The following HYDIN variants were observed in gnomAD, a reference collection of about 807,000 sequenced individuals.
HYDIN encodes the protein HYDIN axonemal central pair apparatus protein.
Under a neutral mutation model 403.9 loss-of-function variants are expected in HYDIN, and 132 were observed. The observed-to-expected ratio is 0.33, with a 90% CI of 0.28 to 0.38. The LOEUF (loss-of-function observed/expected upper bound fraction) is 0.38, where lower values mean the gene tolerates loss of function less well. Among genes scored for constraint, HYDIN ranks in the 10% least tolerant of loss-of-function variants. The pLI is 1.00. For missense variants in HYDIN, 2,827 were observed against 5,009.5 expected (o/e 0.56, Z 13.15); for synonymous variants, 1,202 against 1,891.7 (o/e 0.64, Z 9.46).
intron 1 of HYDIN, among the ~76,000 whole-genome samples, chr16:71,227,535 G>C (rs1213683475): frequency 6.6e-6 from 1 of 152,052 alleles, no homozygotes; most frequent in Non-Finnish European, 1.5e-5. Context: ...CAAACAGAGA[G>C]CCAAATCATG....
Position 71,110,301 on chromosome 16 carries a change from TAATAA to T in HYDIN, c.1327+5390_1327+5394del, listed in dbSNP as rs1568167804. 5.2e-3 allele frequency among the ~76,000 whole-genome samples: 755 copies of T among 143,910 alleles called. 4 individuals are homozygous for T. The highest frequency in any genetic ancestry group is 0.018 in the African/African-American group (724 of 39,284). 94.4% of individuals were successfully genotyped at this position (143,910 alleles called of 152,430 possible). ...TAATATATAATAGATATAATAAATA[TAATAA>T]ATATATAAAAATTTATATCTAAATA... is the stretch of plus-strand genomic sequence containing the variant. On this transcript the variant is annotated intron_variant, in intron 10 of 85. Coordinates refer to ENST00000393567, the MANE Select transcript of HYDIN (RefSeq NM_001270974.2).
intron 1 of HYDIN, among the ~76,000 whole-genome samples, chr16:71,208,101 G>A (rs1482524478): frequency 1.3e-5 from 2 of 151,980 alleles, no homozygotes; most frequent in Admixed American, 1.3e-4. Flanking sequence ...TCTGCCCAAA[G>A]ACAACAGAAT....
At chr16:70,810,275 G>T (rs2035394575) in intron 84 of HYDIN, among the ~76,000 whole-genome samples, 1 of 152,152 alleles carries the variant, frequency 6.6e-6, no homozygotes, top group African/African-American at 2.4e-5. Flanking sequence ...GCGCACATAG[G>T]GAGATGTGGA....
intron 3 of HYDIN, among the ~76,000 whole-genome samples, chr16:71,182,622 G>A (rs1313542602): frequency 6.6e-6 from 1 of 152,164 alleles, no homozygotes. Context: ...GAGATGGAAT[G>A]TAAAGCTACA....
chr16:71,030,955 C>T (rs1275149465), intron 19 of HYDIN, among the ~76,000 whole-genome samples: 3 of 151,908 alleles, frequency 2.0e-5, no homozygotes, highest in Non-Finnish European at 2.9e-5. Flanking sequence ...AATCCCAGCA[C>T]TTTGGGAGGC....
chr16:71,065,369 G>A (rs560628919), intron 15 of HYDIN, among the ~76,000 whole-genome samples: 690 of 151,350 alleles, frequency 4.6e-3, no homozygotes, highest in Non-Finnish European at 7.9e-3. Context: ...CTGTGACGGG[G>A]TTGTCACTGT....
chr16:71,184,893 A>G lies in HYDIN; in HGVS notation c.233T>C (p.Leu78Ser), dbSNP rs2087072259. ...LMCRPQIIEL[L>S]DMGETTHQKF... ...CTGATGTGTTGTTTCCCCCATATCTAAGAGTTCGATGATCTGTGGTCGGCA... is the reference window on the plus strand; with the variant it reads ...CTGATGTGTTGTTTCCCCCATATCTGAGAGTTCGATGATCTGTGGTCGGCA... Residue 78 changes from leucine (L) to serine (S), a missense_variant, in exon 3 of 86, where the codon TTA becomes TCA. Physicochemically the swap from Leu to Ser is moderately radical, Grantham distance 145. Transcript: ENST00000393567. 1.2e-6 allele frequency: 2 copies of G among 1,609,410 alleles called. No individual in the cohort carries two copies. Among genetic ancestry groups the G allele is most frequent in the Non-Finnish European group, 1.7e-6 (2 of 1,176,844 alleles).
rs1193107879 is a variant in HYDIN, at chr16:70,941,647, T to A, written c.6842A>T (p.Lys2281Met). The change falls in exon 43 of 86, where the codon AAG becomes ATG. Residue 2281 changes from lysine to methionine, a missense_variant. Lys to Met is a moderately conservative substitution (Grantham distance 95, BLOSUM62 -1). Coordinates refer to ENST00000393567, the MANE Select transcript of HYDIN (RefSeq NM_001270974.2). ...GTAGGAGGCCTTGCCTTCTTGCTCC[T>A]TTTTGGCTTTCTCCTGGGCCTTCAT... The part of the protein sequence containing the change: ...AAMKAQEKAK[K>M]EQEERKHKGA... The A allele has an allele frequency of 6.4e-7, 1 of 1,551,654 alleles. No homozygotes were observed. Among genetic ancestry groups the A allele is most frequent in the Non-Finnish European group, 8.7e-7 (1 of 1,149,374 alleles).
At chr16:70,963,104 C>A (rs1295682693) in intron 37 of HYDIN, among the ~76,000 whole-genome samples, 3 of 151,302 alleles carry the variant, frequency 2.0e-5, no homozygotes, top group Non-Finnish European at 4.4e-5. Context: ...TGCTGCCCTG[C>A]CTTGGGCTGC....
intron 28 of HYDIN, among the ~76,000 whole-genome samples, chr16:70,982,393 A>C (rs2079073655): frequency 1.3e-5 from 2 of 151,342 alleles, no homozygotes. Context: ...TCCTTCAAAA[A>C]CAGATAATCA....
chr16:70,928,019 C>T (rs1348249298), intron 45 of HYDIN, among the ~76,000 whole-genome samples: 1 of 148,594 alleles, frequency 6.7e-6, no homozygotes, highest in African/African-American at 2.5e-5. Context: ...AAAACAGACA[C>T]AAGAGATGTA....
At chr16:70,821,633 T>G (rs1395274025) in intron 83 of HYDIN, among the ~76,000 whole-genome samples, 5 of 151,828 alleles carry the variant, frequency 3.3e-5, no homozygotes, top group Non-Finnish European at 5.9e-5. Flanking sequence ...TTATCTTTGT[T>G]TTTTGGCAGT....
At chr16:70,965,661 G>A (rs783730) in intron 36 of HYDIN, among the ~76,000 whole-genome samples, 379 of 147,652 alleles carry the variant, frequency 2.6e-3, no homozygotes, top group African/African-American at 9.2e-3. Flanking sequence ...AATCTGTTTT[G>A]TTAGGTAACC....
Position 71,137,155 on chromosome 16 carries a change from AT to A in HYDIN, c.1038del (p.Lys346AsnfsTer8), listed in dbSNP as rs2084956598. On this transcript the variant is annotated frameshift_variant, in exon 8 of 86. Coordinates refer to ENST00000393567, the MANE Select transcript of HYDIN (RefSeq NM_001270974.2). LOFTEE classifies it high-confidence loss of function. ...FATQQEEDRE[K>X]YRACDDLIKE... is the part of the protein sequence containing the mutation. ...TAGGTGATTTTTGTTACAGACCTATATTTTTCTCTGTCCTCTTCTTGCTGGG... is the reference window on the plus strand; with the variant it reads ...TAGGTGATTTTTGTTACAGACCTATATTTTCTCTGTCCTCTTCTTGCTGGG... The A allele has an allele frequency of 1.6e-6, 1 of 608,584 alleles. No homozygotes were observed. Among genetic ancestry groups the A allele is most frequent in the African/African-American group, 1.9e-5 (1 of 52,176 alleles). The allele number at this position is 608,584 out of a possible 1,614,324, so 37.7% of individuals were successfully genotyped here.
chr16:71,221,530 C>T (rs1168189185), intron 1 of HYDIN, among the ~76,000 whole-genome samples: 1 of 152,026 alleles, frequency 6.6e-6, no homozygotes, highest in African/African-American at 2.4e-5. Context: ...ATAAGCAGCT[C>T]TTGGTCAAAA....
At chr16:70,862,015 A>G in intron 69 of HYDIN, 33 bp downstream of exon 69, 2 of 1,527,312 alleles carry the variant, frequency 1.3e-6, no homozygotes, top group Non-Finnish European at 1.8e-6. Context: ...TGTGCCTGCC[A>G]AGAAGGGTGT....
intron 45 of HYDIN, among the ~76,000 whole-genome samples, chr16:70,934,514 G>T (rs1177788650): frequency 6.6e-5 from 10 of 152,136 alleles, no homozygotes; most frequent in African/African-American, 2.2e-4. Flanking sequence ...ACTCCCCCTG[G>T]AATTTTCTTT....
chr16:71,042,705 C>T (rs189907949), intron 18 of HYDIN, among the ~76,000 whole-genome samples: 2 of 152,290 alleles, frequency 1.3e-5, no homozygotes, highest in East Asian at 3.9e-4. Context: ...CAAACTCATC[C>T]CCAAACTCTC....
In HYDIN at chr16:70,807,938, A is replaced by C; in HGVS notation, c.15008T>G (p.Leu5003Arg). 1 of 1,614,192 alleles carries C rather than the reference A, an allele frequency of 6.2e-7. No individual in the cohort carries two copies. The highest frequency in any genetic ancestry group is 8.5e-7 in the Non-Finnish European group (1 of 1,180,028). The change falls in exon 86 of 86, where the codon CTG (leucine) becomes CGG (arginine). Residue 5003 changes from leucine (L) to arginine (R), a missense_variant. Coordinates refer to ENST00000393567, the MANE Select transcript of HYDIN (RefSeq NM_001270974.2). ...PSHLGETKGI[L>R]ILSSLAGGEY... ...TCCACCTGCGAGCGATGATAGGATC[A>C]GGATGCCCTTGGTCTCACCCAGGTG...
Sources: gnomAD v4.1 joint callset for allele counts (sites outside exome capture counted in the v4.1 genomes callset) on GRCh38, gnomAD v4.1.1 for gene constraint, MANE v1.5 for transcripts, NCBI Gene and HGNC (gene_info 2026-07-23, HGNC 2026-07-21) for gene names.